DIAPH2: variants seen among roughly 807,000 people sequenced by gnomAD.
The protein encoded by DIAPH2 is diaphanous related formin 2, also known as protein diaphanous homolog 2.
DIAPH2 carries 35 observed loss-of-function variants against 92.7 expected under a neutral mutation model. The ratio of observed to expected loss-of-function variants is 0.38; its 90% CI spans 0.29 to 0.50. The LOEUF is 0.50. Among genes scored for constraint, DIAPH2 ranks in the 20% least tolerant of loss-of-function variants. The pLI is 0.94. For missense variants in DIAPH2, 701 were observed against 819.5 expected, an observed-to-expected ratio of 0.86 and a Z score of 1.77; for synonymous variants, 301 against 280.4, an observed-to-expected ratio of 1.07 and a Z score of -0.73.
intron 17 of DIAPH2, among the ~76,000 whole-genome samples, chrX:97,054,117 G>T (rs1263581731): frequency 8.9e-6 from 1 of 111,890 alleles, no homozygotes; most frequent in Admixed American, 9.5e-5. Context: ...AGTGTAATAT[G>T]CACCAATGAA....
intron 17 of DIAPH2, among the ~76,000 whole-genome samples, chrX:97,025,857 C>A (rs1040801911): frequency 1.8e-5 from 2 of 111,622 alleles, no homozygotes; most frequent in African/African-American, 3.3e-5. Flanking sequence ...TTAAGAGTTT[C>A]TCCTCCATTG....
chrX:97,114,025 A>G (rs953725378), intron 20 of DIAPH2, among the ~76,000 whole-genome samples: 5 of 111,920 alleles, frequency 4.5e-5, no homozygotes, highest in Non-Finnish European at 9.4e-5. Context: ...CACCAGTGCT[A>G]TGAAACAAGT....
At chrX:96,755,165 C>T (rs2064218915) in intron 3 of DIAPH2, among the ~76,000 whole-genome samples, 1 of 109,859 alleles carries the variant, frequency 9.1e-6, no homozygotes, top group Non-Finnish European at 1.9e-5. Context: ...GGACAGTGAT[C>T]CAGATAATTA....
intron 26 of DIAPH2, among the ~76,000 whole-genome samples, chrX:97,544,247 C>T (rs182980064): frequency 1.1e-3 from 120 of 111,732 alleles, no homozygotes; most frequent in African/African-American, 3.7e-3. Flanking sequence ...AAATTGCATT[C>T]CAAGCATAGA....
At position 96,881,570 on chromosome X, in the gene DIAPH2, A is replaced by G. The variant is rs1334486982; in HGVS notation, c.448-9A>G. On this transcript the variant is annotated splice_polypyrimidine_tract_variant and intron_variant, in intron 4 of 26. Coordinates refer to ENST00000324765, the MANE Select transcript of DIAPH2 (RefSeq NM_006729.5). ...ATTGTCTAAAATGGTCTCTTTGTTT[A>G]TTTTATAGGGTGGGCTGAAAAACAG... is the stretch of plus-strand genomic sequence containing the variant. The G allele has an allele frequency of 3.4e-6, 4 of 1,192,035 alleles. No homozygotes were observed. The highest frequency in any genetic ancestry group is 4.5e-6 in the Non-Finnish European group (4 of 887,506).
intron 10 of DIAPH2, among the ~76,000 whole-genome samples, chrX:96,934,843 ATAT>A (rs1248669231): frequency 9.0e-6 from 1 of 111,655 alleles, no homozygotes. Context: ...AATTAAGAAA[ATAT>A]TAGTTAAATC....
intron 4 of DIAPH2, among the ~76,000 whole-genome samples, chrX:96,821,413 G>A (rs1437769587): frequency 1.8e-5 from 2 of 111,155 alleles, no homozygotes; most frequent in African/African-American, 6.6e-5. Flanking sequence ...TTGCACATGT[G>A]CACACAGAAG....
intron 26 of DIAPH2, among the ~76,000 whole-genome samples, chrX:97,452,402 A>C (rs1217215809): frequency 8.9e-6 from 1 of 111,876 alleles, no homozygotes; most frequent in Non-Finnish European, 1.9e-5. Context: ...AACAGAAGCT[A>C]TCAGTGTCTA....
chrX:97,477,346 C>T (rs752665850), intron 26 of DIAPH2, among the ~76,000 whole-genome samples: 54 of 109,271 alleles, frequency 4.9e-4, no homozygotes, highest in Non-Finnish European at 3.8e-4. Context: ...ATATATAGGC[C>T]GTGTGCTGTG....
At chrX:96,799,866 T>G (rs2064569151) in intron 4 of DIAPH2, among the ~76,000 whole-genome samples, 1 of 109,263 alleles carries the variant, frequency 9.2e-6, no homozygotes, top group African/African-American at 3.3e-5. Context: ...ACATATATTA[T>G]TATATATAAG....
chrX:97,278,207 A>G (rs1204484352), intron 23 of DIAPH2, among the ~76,000 whole-genome samples: 3 of 112,247 alleles, frequency 2.7e-5, no homozygotes, highest in African/African-American at 6.5e-5. Context: ...GAAGTTTTAC[A>G]TTTACAGAAA....
At position 97,391,985 on chromosome X, in the gene DIAPH2, T is replaced by C. The variant is rs1016005439; in HGVS notation, c.3145+7941T>C. The stretch of plus-strand genomic sequence containing the variant: ...AGAGATTTGGAGATCAGAAGGCAAA[T>C]GCCATGATAAGAAACAGTTTTTTTA... On this transcript the variant is annotated intron_variant, in intron 25 of 26. Coordinates refer to ENST00000324765, the MANE Select transcript of DIAPH2 (RefSeq NM_006729.5). Among the ~76,000 whole-genome samples the C allele has an allele frequency of 2.7e-5, 3 of 111,657 alleles. No individual in the cohort carries two copies. The East Asian group carries it at 8.4e-4, about 31-fold the overall frequency.
At chrX:97,474,292 G>C (rs2070587036) in intron 26 of DIAPH2, among the ~76,000 whole-genome samples, 1 of 112,586 alleles carries the variant, frequency 8.9e-6, no homozygotes, top group African/African-American at 3.2e-5. Flanking sequence ...ATGCTGTCTT[G>C]CCTTACATAA....
chrX:96,810,834 T>C (rs1204057564), intron 4 of DIAPH2, among the ~76,000 whole-genome samples: 1 of 111,620 alleles, frequency 9.0e-6, no homozygotes, highest in African/African-American at 3.3e-5. Flanking sequence ...GTTGCAGATG[T>C]GTGGTGTTAT....
intron 26 of DIAPH2, among the ~76,000 whole-genome samples, chrX:97,473,157 T>TA (rs978522362): frequency 1.8e-5 from 2 of 111,637 alleles, no homozygotes; most frequent in Admixed American, 1.9e-4. Flanking sequence ...TTTGCCAATT[T>TA]AAAAAATATT....
At chrX:97,236,746 A>G (rs922895410) in intron 22 of DIAPH2, among the ~76,000 whole-genome samples, 5 of 109,574 alleles carry the variant, frequency 4.6e-5, no homozygotes, top group South Asian at 7.9e-4. Context: ...GGGTTTCACC[A>G]TGTTAGCCAG....
At chrX:97,379,253 C>T (rs963770718) in intron 24 of DIAPH2, among the ~76,000 whole-genome samples, 1 of 111,286 alleles carries the variant, frequency 9.0e-6, no homozygotes, top group African/African-American at 3.3e-5. Context: ...TATTTCCAGT[C>T]ATAGATTATG....
At chrX:97,597,995 A>T (rs2071565700) in intron 26 of DIAPH2, among the ~76,000 whole-genome samples, 1 of 111,343 alleles carries the variant, frequency 9.0e-6, no homozygotes, top group South Asian at 3.8e-4. Context: ...GGCTGGGGTC[A>T]TGGAGGCCCG....
At chrX:96,856,016 A>T (rs2065037270) in intron 4 of DIAPH2, among the ~76,000 whole-genome samples, 1 of 112,227 alleles carries the variant, frequency 8.9e-6, no homozygotes, top group Admixed American at 9.5e-5. Context: ...GAGAAGGAAT[A>T]TGACAGCCAG....
Sources: allele counts gnomAD v4.1 joint callset (sites outside exome capture counted in the v4.1 genomes callset), GRCh38; gene constraint gnomAD v4.1.1; transcripts MANE v1.5; gene names NCBI Gene and HGNC (gene_info 2026-07-23, HGNC 2026-07-21).